Variants in TAF4B observed in about 807,000 individuals in gnomAD.
TAF4B encodes the protein TATA-box binding protein associated factor 4b.
Under a neutral mutation model 86.4 loss-of-function variants are expected in TAF4B, and 38 were observed. The ratio of observed to expected loss-of-function variants is 0.44; its 90% CI spans 0.34 to 0.58. TAF4B has a LOEUF of 0.58. Ranked by LOEUF, TAF4B falls within the 20% of genes least tolerant of loss-of-function variation. TAF4B has a pLI of 0.02. For synonymous variants in TAF4B, 388 were observed against 391.2 expected, an observed-to-expected ratio of 0.99 and a Z score of 0.10; for missense variants, 988 against 1,027.6, an observed-to-expected ratio of 0.96 and a Z score of 0.53.
chr18:26,236,567 A>G (rs909033270), intron 1 of TAF4B, among the ~76,000 whole-genome samples: 1 of 152,126 alleles, frequency 6.6e-6, no homozygotes, highest in East Asian at 1.9e-4. Context: ...CATAGTGGAC[A>G]TGGGTGAGGG....
rs1214769267 is a variant in TAF4B, at chr18:26,242,193, T to A, written c.343+14917T>A. ...TAATGTTGACAGTGGGGTGTTAAAG[T>A]CTCCCATTATTATTGTGTGGGATTC... On this transcript the variant is annotated intron_variant, in intron 1 of 14. Transcript: ENST00000269142. 3.3e-5 allele frequency among the ~76,000 whole-genome samples: 5 copies of A among 152,064 alleles called. No individual in the cohort carries two copies. The East Asian group carries it at 5.8e-4, about 18-fold the overall frequency.
intron 14 of TAF4B, among the ~76,000 whole-genome samples, chr18:26,381,725 CTAAATAAATAAATAAATAAA>C (rs59018457): frequency 2.8e-5 from 4 of 144,078 alleles, no homozygotes; most frequent in Non-Finnish European, 4.5e-5. Flanking sequence ...AACTCCGCCT[CTAAATAAATAAATAAATAAA>C]TAAATAAATA....
intron 9 of TAF4B, among the ~76,000 whole-genome samples, chr18:26,314,609 A>G (rs763326157): frequency 1.3e-5 from 2 of 152,178 alleles, no homozygotes; most frequent in Non-Finnish European, 2.9e-5. Context: ...AAACAGAAAA[A>G]CAAAACTAGT....
intron 13 of TAF4B, chr18:26,348,638 C>T (rs981755289): frequency 6.5e-6 from 1 of 153,098 alleles, no homozygotes; most frequent in Admixed American, 6.5e-5. Flanking sequence ...TGTGTCAGTG[C>T]CTTTAGTGAG....
intron 6 of TAF4B, 150 bp downstream of exon 6, chr18:26,282,210 G>A (rs1446140357): frequency 2.4e-5 from 15 of 637,182 alleles, no homozygotes; most frequent in South Asian, 1.8e-4. Flanking sequence ...GCTATAAAGC[G>A]TGTTCATAAT....
At chr18:26,389,190 A>ATC (rs879905922) in intron 14 of TAF4B, among the ~76,000 whole-genome samples, 5 of 152,212 alleles carry the variant, frequency 3.3e-5, no homozygotes, top group African/African-American at 7.2e-5. Context: ...TGCTTAACCT[A>ATC]TCTAAGCTCA....
intron 13 of TAF4B, among the ~76,000 whole-genome samples, chr18:26,338,470 A>ATTTT (rs764826705): frequency 0.015 from 1,043 of 70,984 alleles, 27 homozygotes; most frequent in African/African-American, 0.018. Flanking sequence ...AAGAACTAGA[A>ATTTT]TTTTTTTTTT....
chr18:26,363,627 CA>C (rs1567923354), intron 14 of TAF4B, among the ~76,000 whole-genome samples: 1 of 152,130 alleles, frequency 6.6e-6, no homozygotes, highest in Non-Finnish European at 1.5e-5. Context: ...TGCTGATTTG[CA>C]TTAGTTACAA....
chr18:26,313,664 C>G (rs1293995518), intron 9 of TAF4B, among the ~76,000 whole-genome samples: 2 of 148,636 alleles, frequency 1.3e-5, no homozygotes, highest in Admixed American at 1.3e-4. Context: ...AGTTTACTTT[C>G]CTTGAGTTTT....
In TAF4B at chr18:26,381,668, G is replaced by A. The variant is rs1413190075; in HGVS notation, c.2422-8177G>A. Among the ~76,000 whole-genome samples, 14 of 151,710 alleles carry A rather than the reference G, an allele frequency of 9.2e-5. No individual in the cohort carries two copies. In the South Asian group the frequency reaches 2.7e-3, roughly 29 times the overall value. Reference sequence around the variant, plus strand: ...CTTGAACCTGGGAGGCAGAGGTTGCGGTGAGCCGAGATTGCGCCATTGCAC... The same window carrying A: ...CTTGAACCTGGGAGGCAGAGGTTGCAGTGAGCCGAGATTGCGCCATTGCAC... On this transcript the variant is annotated intron_variant, in intron 14 of 14. Transcript: ENST00000269142.
chr18:26,344,960 C>T (rs530953001), intron 13 of TAF4B, among the ~76,000 whole-genome samples: 225 of 152,288 alleles, frequency 1.5e-3, no homozygotes, highest in African/African-American at 5.1e-3. Flanking sequence ...AAAAGGCAAT[C>T]AGAATAACCC....
At chr18:26,339,442 C>T (rs1251606271) in intron 13 of TAF4B, among the ~76,000 whole-genome samples, 2 of 152,178 alleles carry the variant, frequency 1.3e-5, no homozygotes, top group African/African-American at 4.8e-5. Context: ...CCTCCTACCT[C>T]ACCCTACCAA....
chr18:26,233,988 T>C (rs898633681), intron 1 of TAF4B, among the ~76,000 whole-genome samples: 1 of 152,184 alleles, frequency 6.6e-6, no homozygotes, highest in Non-Finnish European at 1.5e-5. Context: ...ATTTGATGAA[T>C]GTTCTCAATA....
chr18:26,285,567 C>A (rs6508430), intron 6 of TAF4B, among the ~76,000 whole-genome samples: 1 of 152,054 alleles, frequency 6.6e-6, no homozygotes, highest in Non-Finnish European at 1.5e-5. Context: ...ACTGAAGTTA[C>A]TAATGATCTA....
intron 14 of TAF4B, among the ~76,000 whole-genome samples, chr18:26,380,418 T>C (rs1362449418): frequency 6.6e-6 from 1 of 152,232 alleles, no homozygotes; most frequent in African/African-American, 2.4e-5. Context: ...ACAGATTATT[T>C]AGAAGTATGT....
chr18:26,346,837 G>GTGTATATATA (rs1567913968), intron 13 of TAF4B, among the ~76,000 whole-genome samples: 1 of 6,728 alleles, frequency 1.5e-4, no homozygotes, highest in Non-Finnish European at 4.3e-4. Context: ...ATATATATAT[G>GTGTATATATA]TGTGTGTGTA....
chr18:26,389,554 G>T (rs973551520), intron 14 of TAF4B, among the ~76,000 whole-genome samples: 1 of 152,212 alleles, frequency 6.6e-6, no homozygotes, highest in African/African-American at 2.4e-5. Flanking sequence ...AGTCTGGCCT[G>T]CAATGCACTG....
intron 1 of TAF4B, among the ~76,000 whole-genome samples, chr18:26,254,278 A>G (rs1176844041): frequency 6.6e-6 from 1 of 151,862 alleles, no homozygotes; most frequent in African/African-American, 2.4e-5. Flanking sequence ...TAGTCATTCT[A>G]GGTAAAGGTT....
chr18:26,304,410 A>G (rs930952588), intron 9 of TAF4B, among the ~76,000 whole-genome samples: 2 of 152,232 alleles, frequency 1.3e-5, no homozygotes, highest in Non-Finnish European at 2.9e-5. Context: ...GCAAGAAACT[A>G]TTTTTAAAAA....
Sources: allele counts gnomAD v4.1 joint callset (sites outside exome capture counted in the v4.1 genomes callset), GRCh38; gene constraint gnomAD v4.1.1; transcripts MANE v1.5; gene names NCBI Gene and HGNC (gene_info 2026-07-23, HGNC 2026-07-21).